The following NEK4 variants were observed in gnomAD, a reference collection of about 807,000 sequenced individuals.
NEK4 encodes the protein serine/threonine-protein kinase Nek4.
A neutral mutation model predicts 98.4 loss-of-function variants in NEK4; 86 were observed. The ratio of observed to expected loss-of-function variants is 0.87; its 90% CI spans 0.73 to 1.05. The LOEUF (loss-of-function observed/expected upper bound fraction) is 1.05, where lower values mean the gene tolerates loss of function less well. Ranked by LOEUF, NEK4 falls within the 50% of genes least tolerant of loss-of-function variation. The probability of loss-of-function intolerance (pLI) is 0.00; values close to 1 mark genes in which losing one functional copy is unlikely to be tolerated. For missense variants in NEK4, 898 were observed against 950.3 expected, an observed-to-expected ratio of 0.94 and a Z score of 0.72; for synonymous variants, 328 against 342.2, an observed-to-expected ratio of 0.96 and a Z score of 0.46.
chr3:52,726,247 T>G (rs951151214), intron 15 of NEK4, among the ~76,000 whole-genome samples: 1 of 152,178 alleles, frequency 6.6e-6, no homozygotes, highest in Non-Finnish European at 1.5e-5. Flanking sequence ...AGTTGCAGAC[T>G]TCAATACCCC....
Position 52,711,871 on chromosome 3 carries a change from T to A in NEK4, c.2434-2A>T. Reference sequence around the variant, plus strand: ...ACCCATGTGCTCCCGCAAACGTACCTATTTGAGAAACAAAAAGAAAATCAA... The same window carrying A: ...ACCCATGTGCTCCCGCAAACGTACCAATTTGAGAAACAAAAAGAAAATCAA... On this transcript the variant is annotated splice_acceptor_variant, in intron 15 of 15. Coordinates refer to ENST00000233027, the MANE Select transcript of NEK4 (RefSeq NM_003157.6). LOFTEE classifies it high-confidence loss of function. 1 of 1,569,994 alleles carries A rather than the reference T, an allele frequency of 6.4e-7. No homozygotes were observed. The highest frequency in any genetic ancestry group is 8.7e-7 in the Non-Finnish European group (1 of 1,143,602).
intron 1 of NEK4, among the ~76,000 whole-genome samples, chr3:52,769,486 C>T (rs1008571397): frequency 2.6e-5 from 4 of 152,196 alleles, no homozygotes; most frequent in African/African-American, 9.6e-5. Context: ...ATTTCTTCAA[C>T]ACATAGATAA....
intron 8 of NEK4, chr3:52,747,454 CA>C (rs80245076): frequency 0.013 from 928 of 68,874 alleles, 9 homozygotes; most frequent in South Asian, 0.12. Flanking sequence ...GACTCCATCT[CA>C]AAAAAAAAAA....
intron 12 of NEK4, 66 bp downstream of exon 12, chr3:52,743,286 G>A (rs2097389775): frequency 8.2e-7 from 1 of 1,215,928 alleles, no homozygotes; most frequent in Non-Finnish European, 1.2e-6. Flanking sequence ...ACATTTAAAA[G>A]GTTTACTGCA....
intron 15 of NEK4, 25 bp from the exon 16 acceptor site, chr3:52,711,894 CAATCAGTA>C: frequency 7.2e-7 from 1 of 1,384,766 alleles, no homozygotes; most frequent in Non-Finnish European, 1.0e-6. Context: ...AAAAGAAAAT[CAATCAGTA>C]TGTAGTAGGA....
Position 52,758,571 on chromosome 3 carries a change from TA to T in NEK4, c.963+2223del, listed in dbSNP as rs985730408. On this transcript the variant is annotated intron_variant, in intron 6 of 15. Transcript: ENST00000233027. ...TATGACAACAAAATAAAAAAATAGA[TA>T]AACTGGACTTCATCAAAATTAGAAG... Among the ~76,000 whole-genome samples, 34 of 151,190 alleles carry T rather than the reference TA, an allele frequency of 2.2e-4. 1 individual carries two copies. Among genetic ancestry groups the T allele is most frequent in the Admixed American group, 2.2e-3 (34 of 15,184 alleles).
chr3:52,766,851 T>C (rs1344350329), intron 2 of NEK4, among the ~76,000 whole-genome samples: 4 of 152,006 alleles, frequency 2.6e-5, no homozygotes, highest in Non-Finnish European at 5.9e-5. Context: ...CCGGGCGCAG[T>C]GGCGGGCGCC....
intron 15 of NEK4, among the ~76,000 whole-genome samples, chr3:52,728,664 T>C (rs948829409): frequency 3.3e-5 from 5 of 151,878 alleles, no homozygotes; most frequent in African/African-American, 4.8e-5. Context: ...AACCATAAGG[T>C]CTGACTGCCT....
chr3:52,740,087 CAAGAATATTTA>C (rs1345199295), intron 13 of NEK4, among the ~76,000 whole-genome samples: 1 of 152,114 alleles, frequency 6.6e-6, no homozygotes, highest in Non-Finnish European at 1.5e-5. Flanking sequence ...GTACAAAGCT[CAAGAATATTTA>C]AAGAAACACA....
intron 1 of NEK4, among the ~76,000 whole-genome samples, chr3:52,770,311 T>G (rs1029557413): frequency 6.6e-6 from 1 of 151,770 alleles, no homozygotes. Flanking sequence ...CCGGCTCTCA[T>G]GAGAGTATCG....
intron 6 of NEK4, among the ~76,000 whole-genome samples, 197 bp from the exon 7 acceptor site, chr3:52,752,533 G>C (rs1283203360): frequency 1.3e-5 from 2 of 152,064 alleles, no homozygotes; most frequent in East Asian, 3.9e-4. Context: ...AATGTTTACA[G>C]CAGCTTTATT....
chr3:52,766,528 C>T (rs1316984120), intron 2 of NEK4, among the ~76,000 whole-genome samples, 153 bp from the exon 3 acceptor site: 1 of 152,118 alleles, frequency 6.6e-6, no homozygotes, highest in African/African-American at 2.4e-5. Context: ...AAGCAAATAC[C>T]TACCAAACAT....
At chr3:52,744,939 G>A (rs2097393388) in intron 10 of NEK4, among the ~76,000 whole-genome samples, 1 of 151,176 alleles carries the variant, frequency 6.6e-6, no homozygotes, top group Non-Finnish European at 1.5e-5. Flanking sequence ...TTTTTGAGAT[G>A]CAGTCTCGCT....
intron 5 of NEK4, among the ~76,000 whole-genome samples, chr3:52,761,604 C>T (rs757279296): frequency 1.2e-4 from 19 of 152,036 alleles, no homozygotes; most frequent in Non-Finnish European, 1.9e-4. Context: ...AGTAATATTT[C>T]GATGTTGGTT....
chr3:52,762,755 C>T (rs1200983435), intron 5 of NEK4, among the ~76,000 whole-genome samples: 1 of 152,108 alleles, frequency 6.6e-6, no homozygotes, highest in Non-Finnish European at 1.5e-5. Context: ...GTGGCGGGTG[C>T]CTGTAATCCC....
intron 10 of NEK4, among the ~76,000 whole-genome samples, chr3:52,745,185 C>T (rs982342003): frequency 4.6e-5 from 7 of 151,966 alleles, no homozygotes; most frequent in African/African-American, 9.7e-5. Context: ...TCCCAAAGTG[C>T]TGGGATTACA....
chr3:52,719,026 G>C (rs995374152), intron 15 of NEK4, among the ~76,000 whole-genome samples: 1 of 152,154 alleles, frequency 6.6e-6, no homozygotes, highest in African/African-American at 2.4e-5. Flanking sequence ...CAAAGTGCTG[G>C]GCATACAGGG....
chr3:52,738,859 TA>T (rs1222204152), intron 14 of NEK4, among the ~76,000 whole-genome samples: 1 of 152,174 alleles, frequency 6.6e-6, no homozygotes, highest in Non-Finnish European at 1.5e-5. Flanking sequence ...CTCTTAAACC[TA>T]AAAAACACCA....
chr3:52,756,604 C>T (rs891786652), intron 6 of NEK4, among the ~76,000 whole-genome samples: 6 of 151,984 alleles, frequency 3.9e-5, no homozygotes, highest in South Asian at 2.1e-4. Flanking sequence ...AAAATTAACT[C>T]AAAATGAACA....
Sources: allele counts gnomAD v4.1 joint callset (sites outside exome capture counted in the v4.1 genomes callset), GRCh38; gene constraint gnomAD v4.1.1; transcripts MANE v1.5; gene names NCBI Gene and HGNC (gene_info 2026-07-23, HGNC 2026-07-21).